The following HNRNPA1L2 variants were observed in gnomAD, a reference collection of about 807,000 sequenced individuals.
HNRNPA1L2 encodes heterogeneous nuclear ribonucleoprotein A1-like 2.
A neutral mutation model predicts 18.2 loss-of-function variants in HNRNPA1L2; 10 were observed. That is an observed-to-expected ratio of 0.55 (90% CI 0.34 to 0.93). The LOEUF (loss-of-function observed/expected upper bound fraction) is 0.93, where lower values mean the gene tolerates loss of function less well. Among genes scored for constraint, HNRNPA1L2 ranks in the 40% least tolerant of loss-of-function variants. HNRNPA1L2 has a pLI of 0.02. For synonymous variants in HNRNPA1L2, 124 were observed against 138.6 expected, an observed-to-expected ratio of 0.89 and a Z score of 0.74; for missense variants, 308 against 394.4, an observed-to-expected ratio of 0.78 and a Z score of 1.85.
At chr13:52,633,366 C>T in the HNRNPA1L2 span, among the ~76,000 whole-genome samples, 1 of 152,060 alleles carries the variant, frequency 6.6e-6, no homozygotes, top group South Asian at 2.1e-4. Context: ...CCCTATTCTT[C>T]CCCTTTTCTT....
the HNRNPA1L2 span, among the ~76,000 whole-genome samples, chr13:52,634,392 T>A: frequency 1.3e-5 from 2 of 152,222 alleles, no homozygotes; most frequent in Non-Finnish European, 2.9e-5. Flanking sequence ...TTAAATTTTA[T>A]GTATTTTATA....
At position 52,642,567 on chromosome 13, in the gene HNRNPA1L2, A is replaced by T; in HGVS notation, c.75A>T (p.Thr25=). 1 of 1,598,914 alleles carries T rather than the reference A, an allele frequency of 6.3e-7. No individual in the cohort carries two copies. The highest frequency in any genetic ancestry group is 1.4e-5 in the African/African-American group (1 of 72,336). The part of the protein sequence containing the change: ...KLFIGGLSFE[T]TDESLRSHFE... ...TCATTGGAGGGTTGAGCTTTGAAAC[A>T]ACTGATGAGAGCCTGAGGAGCCATT... Residue 25 remains threonine, a synonymous_variant, in exon 1 of 1, where the codon ACA becomes ACT. Coordinates refer to ENST00000357495, the MANE Select transcript of HNRNPA1L2 (RefSeq NM_001389320.1).
At chr13:52,634,401 T>C in the HNRNPA1L2 span, among the ~76,000 whole-genome samples, 2 of 152,208 alleles carry the variant, frequency 1.3e-5, no homozygotes, top group South Asian at 4.1e-4. Context: ...ATGTATTTTA[T>C]AAAACAGTAT....
chr13:52,639,904 T>TTTTTTTTG (rs1961600707), upstream of HNRNPA1L2, among the ~76,000 whole-genome samples: 1 of 140,676 alleles, frequency 7.1e-6, no homozygotes, highest in East Asian at 2.1e-4. Flanking sequence ...TTGTTTTTTT[T>TTTTTTTTG]TTTTTGAGAT....
the HNRNPA1L2 span, among the ~76,000 whole-genome samples, chr13:52,619,819 G>A: frequency 6.6e-6 from 1 of 151,554 alleles, no homozygotes; most frequent in Admixed American, 6.6e-5. Context: ...TACTCGGGAG[G>A]GTGAGGCAGG....
the HNRNPA1L2 span, among the ~76,000 whole-genome samples, chr13:52,629,715 G>T: frequency 6.6e-6 from 1 of 152,118 alleles, no homozygotes; most frequent in Non-Finnish European, 1.5e-5. Flanking sequence ...CTAATACTGT[G>T]TATTCATTTA....
chr13:52,622,308 A>T, the HNRNPA1L2 span: 1 of 153,046 alleles, frequency 6.5e-6, no homozygotes. Flanking sequence ...AGTAATTTTT[A>T]AAATTCCAGT....
chr13:52,617,610 C>G, the HNRNPA1L2 span: 11 of 474,558 alleles, frequency 2.3e-5, no homozygotes, highest in Admixed American at 2.4e-4. Flanking sequence ...TCCTGCCACC[C>G]TTTGTCCCCT....
At position 52,642,884 on chromosome 13, in the gene HNRNPA1L2, T is replaced by C. The variant is rs774741691; in HGVS notation, c.392T>C (p.Ile131Thr). The change falls in exon 1 of 1, where the codon ATT (isoleucine) becomes ACT (threonine). Residue 131 changes from isoleucine to threonine, a missense_variant. Transcript: ENST00000357495. ...GATTATTTTGAACAGTATGGAAAAATTGAAGTAATTGAAATCATGACTGAC... is the reference window on the plus strand; with the variant it reads ...GATTATTTTGAACAGTATGGAAAAACTGAAGTAATTGAAATCATGACTGAC... ...LRDYFEQYGK[I>T]EVIEIMTDRG... 2.5e-6 allele frequency: 4 copies of C among 1,596,538 alleles called. No homozygotes were observed. In the South Asian group the frequency reaches 3.3e-5, roughly 13 times the overall value.
the HNRNPA1L2 span, among the ~76,000 whole-genome samples, chr13:52,626,686 A>G: frequency 6.6e-6 from 1 of 151,962 alleles, no homozygotes; most frequent in African/African-American, 2.4e-5. Flanking sequence ...CTACTTGATA[A>G]TGATTGATGG....
chr13:52,620,780 G>T, the HNRNPA1L2 span, among the ~76,000 whole-genome samples: 1 of 152,126 alleles, frequency 6.6e-6, no homozygotes, highest in Admixed American at 6.6e-5. Flanking sequence ...AGGAGGCTGA[G>T]GTGGGAGGAT....
the HNRNPA1L2 span, among the ~76,000 whole-genome samples, chr13:52,629,921 C>G: frequency 2.6e-5 from 4 of 152,164 alleles, no homozygotes; most frequent in African/African-American, 4.8e-5. Flanking sequence ...AACCCCATCT[C>G]TACTAAAAAT....
the HNRNPA1L2 span, among the ~76,000 whole-genome samples, chr13:52,631,285 G>A: frequency 6.6e-6 from 1 of 152,212 alleles, no homozygotes; most frequent in African/African-American, 2.4e-5. Flanking sequence ...TTCCCCAGCT[G>A]TAAAATGCTG....
At position 52,642,460 on chromosome 13, in the gene HNRNPA1L2, A is replaced by G. The variant is rs749831308; in HGVS notation, c.-33A>G. The G allele has an allele frequency of 6.2e-7, 1 of 1,609,780 alleles. No homozygotes were observed. The highest frequency in any genetic ancestry group is 1.1e-5 in the South Asian group (1 of 90,762). ...TTCTGCCCGTGGACGCCGCTGAAGA[A>G]GCATCGTTAAAGTCTCTCTTCACCT... On this transcript the variant is annotated 5_prime_UTR_variant, in exon 1 of 1. Coordinates refer to ENST00000357495, the MANE Select transcript of HNRNPA1L2 (RefSeq NM_001389320.1).
chr13:52,639,903 T>TTTG (rs1961600427), upstream of HNRNPA1L2, among the ~76,000 whole-genome samples: 1 of 129,864 alleles, frequency 7.7e-6, no homozygotes, highest in African/African-American at 3.1e-5. Context: ...TTTGTTTTTT[T>TTTG]TTTTTTGAGA....
At chr13:52,626,947 A>G in the HNRNPA1L2 span, among the ~76,000 whole-genome samples, 2 of 152,102 alleles carry the variant, frequency 1.3e-5, no homozygotes, top group African/African-American at 2.4e-5. Flanking sequence ...TCTGTGTCCA[A>G]CTTCTTTCAC....
chr13:52,621,783 A>T, the HNRNPA1L2 span, among the ~76,000 whole-genome samples: 5 of 152,152 alleles, frequency 3.3e-5, no homozygotes, highest in African/African-American at 1.2e-4. Context: ...TAATGTGGGT[A>T]TGAGAAATGT....
chr13:52,639,452 A>G (rs1194252378), upstream of HNRNPA1L2, among the ~76,000 whole-genome samples: 1 of 152,188 alleles, frequency 6.6e-6, no homozygotes, highest in Non-Finnish European at 1.5e-5. Flanking sequence ...TTCAGCTGCG[A>G]CAAATTTAAT....
At chr13:52,619,384 CT>C in the HNRNPA1L2 span, among the ~76,000 whole-genome samples, 1 of 152,166 alleles carries the variant, frequency 6.6e-6, no homozygotes, top group Non-Finnish European at 1.5e-5. Context: ...AGGATCTTGG[CT>C]CGCTGCAACC....
Sources: gnomAD v4.1 joint callset for allele counts (sites outside exome capture counted in the v4.1 genomes callset) on GRCh38, gnomAD v4.1.1 for gene constraint, MANE v1.5 for transcripts, NCBI Gene and HGNC (gene_info 2026-07-23, HGNC 2026-07-21) for gene names.